Variants in GPC6 observed in about 807,000 individuals in gnomAD.
GPC6 encodes the protein glypican 6, also known as glypican-6.
Under a neutral mutation model 55.2 loss-of-function variants are expected in GPC6, and 14 were observed. The observed-to-expected ratio is 0.25, with a 90% CI of 0.17 to 0.40. GPC6 has a LOEUF of 0.40. Among genes scored for constraint, GPC6 ranks in the 10% least tolerant of loss-of-function variants. GPC6 has a pLI of 1.00. For synonymous variants in GPC6, 278 were observed against 259.6 expected (o/e 1.07, Z -0.68); for missense variants, 641 against 708.5 (o/e 0.90, Z 1.08).
At chr13:93,532,648 C>G (rs769316696) in intron 1 of GPC6, among the ~76,000 whole-genome samples, 25 of 152,100 alleles carry the variant, frequency 1.6e-4, no homozygotes, top group Non-Finnish European at 2.8e-4. Context: ...ATGCTTTATC[C>G]CTTGATTATT....
chr13:93,343,056 A>G (rs1880313077), intron 1 of GPC6, among the ~76,000 whole-genome samples: 1 of 152,096 alleles, frequency 6.6e-6, no homozygotes. Flanking sequence ...TCTTTACTCA[A>G]TGCACTAAAT....
intron 4 of GPC6, among the ~76,000 whole-genome samples, chr13:94,253,716 A>C (rs899572763): frequency 2.0e-5 from 3 of 152,056 alleles, no homozygotes; most frequent in Non-Finnish European, 4.4e-5. Context: ...TTCCCCCTCC[A>C]ATCTTCGTAC....
intron 2 of GPC6, among the ~76,000 whole-genome samples, chr13:93,602,471 G>C (rs1878056905): frequency 6.6e-6 from 1 of 152,174 alleles, no homozygotes; most frequent in Non-Finnish European, 1.5e-5. Context: ...ACCCTAGAAA[G>C]TCCAGCTCCA....
intron 1 of GPC6, among the ~76,000 whole-genome samples, chr13:93,362,022 G>T (rs1881058478): frequency 6.6e-6 from 1 of 152,200 alleles, no homozygotes; most frequent in Non-Finnish European, 1.5e-5. Context: ...AGTTGAAGGA[G>T]AACTGTGTTT....
intron 2 of GPC6, among the ~76,000 whole-genome samples, chr13:93,827,226 G>A (rs1025888804): frequency 1.3e-5 from 2 of 152,012 alleles, no homozygotes; most frequent in South Asian, 4.1e-4. Context: ...TTCTTATATT[G>A]TCCTTGAATT....
chr13:94,389,672 C>T (rs1178494875), intron 7 of GPC6, among the ~76,000 whole-genome samples: 2 of 152,090 alleles, frequency 1.3e-5, no homozygotes, highest in East Asian at 3.9e-4. Flanking sequence ...GACAATGAGA[C>T]AGGGCAGGAA....
intron 6 of GPC6, among the ~76,000 whole-genome samples, chr13:94,316,928 T>C (rs189257325): frequency 1.6e-3 from 245 of 152,342 alleles, no homozygotes; most frequent in Non-Finnish European, 1.9e-3. Flanking sequence ...CAAATTGTTC[T>C]CCCTTTCTGT....
At chr13:93,969,318 C>G (rs1280846278) in intron 3 of GPC6, among the ~76,000 whole-genome samples, 1 of 152,142 alleles carries the variant, frequency 6.6e-6, no homozygotes, top group Non-Finnish European at 1.5e-5. Flanking sequence ...ATTTGTCCTG[C>G]AGTGAGAGCC....
intron 2 of GPC6, among the ~76,000 whole-genome samples, chr13:93,626,801 CAAAAAA>C (rs57272841): frequency 6.7e-4 from 45 of 67,506 alleles, no homozygotes; most frequent in African/African-American, 2.3e-3. Flanking sequence ...GACTGCATCT[CAAAAAA>C]AAAAAAAAAA....
At chr13:93,860,163 T>C (rs1888764091) in intron 3 of GPC6, among the ~76,000 whole-genome samples, 1 of 151,584 alleles carries the variant, frequency 6.6e-6, no homozygotes, top group Non-Finnish European at 1.5e-5. Context: ...TAAATCAAAT[T>C]CTTTCTTCAG....
intron 2 of GPC6, among the ~76,000 whole-genome samples, chr13:93,660,270 C>T (rs1880867234): frequency 6.6e-6 from 1 of 152,040 alleles, no homozygotes; most frequent in South Asian, 2.1e-4. Flanking sequence ...ATTTTCCTGG[C>T]TATCAATGTT....
chr13:93,764,269 G>T (rs1177041451), intron 2 of GPC6, among the ~76,000 whole-genome samples: 2 of 151,980 alleles, frequency 1.3e-5, no homozygotes, highest in Non-Finnish European at 2.9e-5. Flanking sequence ...CCTACAAAAT[G>T]CTACCTTTCA....
chr13:93,278,997 T>G (rs1157053744), intron 1 of GPC6, among the ~76,000 whole-genome samples: 1 of 152,238 alleles, frequency 6.6e-6, no homozygotes, highest in Non-Finnish European at 1.5e-5. Context: ...ATAATAGATT[T>G]ATGTTAAAAA....
intron 3 of GPC6, among the ~76,000 whole-genome samples, chr13:93,937,275 T>C (rs1350750696): frequency 6.6e-6 from 1 of 152,222 alleles, no homozygotes; most frequent in Non-Finnish European, 1.5e-5. Context: ...AGATTCAAGT[T>C]AGTAGCCCAG....
intron 1 of GPC6, among the ~76,000 whole-genome samples, chr13:93,318,798 A>G (rs1879330902): frequency 6.6e-6 from 1 of 152,126 alleles, no homozygotes. Context: ...GAAACAAGGA[A>G]GTTTGTTCAA....
chr13:94,318,274 C>T (rs1352395539), intron 6 of GPC6, among the ~76,000 whole-genome samples: 1 of 152,108 alleles, frequency 6.6e-6, no homozygotes, highest in Non-Finnish European at 1.5e-5. Context: ...CTTTGTTTTG[C>T]AGTAGCTCCC....
intron 2 of GPC6, among the ~76,000 whole-genome samples, chr13:93,614,660 A>G (rs1878640621): frequency 6.6e-6 from 1 of 152,076 alleles, no homozygotes; most frequent in South Asian, 2.1e-4. Flanking sequence ...CAATCCCCCT[A>G]TATTTTTTTC....
At chr13:94,060,075 T>C (rs1884267318) in intron 4 of GPC6, among the ~76,000 whole-genome samples, 1 of 152,038 alleles carries the variant, frequency 6.6e-6, no homozygotes, top group Non-Finnish European at 1.5e-5. Flanking sequence ...GAAAAAACAA[T>C]TTCAGCCTAC....
At chr13:94,118,640 A>G (rs1886518253) in intron 4 of GPC6, among the ~76,000 whole-genome samples, 1 of 152,058 alleles carries the variant, frequency 6.6e-6, no homozygotes, top group Non-Finnish European at 1.5e-5. Flanking sequence ...AGGAAAACTC[A>G]TACTTTCTCT....
Sources: allele counts gnomAD v4.1 joint callset (sites outside exome capture counted in the v4.1 genomes callset), GRCh38; gene constraint gnomAD v4.1.1; transcripts MANE v1.5; gene names NCBI Gene and HGNC (gene_info 2026-07-23, HGNC 2026-07-21).